PEAK1: variants seen among roughly 807,000 people sequenced by gnomAD.
The protein encoded by PEAK1 is inactive tyrosine-protein kinase PEAK1.
PEAK1 carries 54 observed loss-of-function variants against 124.7 expected under a neutral mutation model. The observed-to-expected ratio is 0.43, with a 90% CI of 0.35 to 0.54. The LOEUF (loss-of-function observed/expected upper bound fraction) is 0.54. Among genes scored for constraint, PEAK1 ranks in the 20% least tolerant of loss-of-function variants. PEAK1 has a pLI of 0.01. For missense variants in PEAK1, 2,046 were observed against 2,134.5 expected (o/e 0.96, Z 0.82); for synonymous variants, 719 against 760.0 (o/e 0.95, Z 0.89).
At chr15:77,100,659 C>G (rs1044425753) in exon 7 of PEAK1, 3 of 152,194 alleles carry the variant, frequency 2.0e-5, no homozygotes, top group Non-Finnish European at 4.4e-5. Flanking sequence ...CTGCATTCGC[C>G]TGATCACTTT....
At chr15:77,175,519 C>T (rs1473463416) in intron 7 of PEAK1, among the ~76,000 whole-genome samples, 3 of 151,672 alleles carry the variant, frequency 2.0e-5, no homozygotes, top group African/African-American at 7.3e-5. Flanking sequence ...TCATCACTGG[C>T]CATCAGAGAA....
rs1194483564 is a variant in PEAK1, at chr15:77,307,999, C to T, written c.-602-21495G>A. 3.3e-5 allele frequency among the ~76,000 whole-genome samples: 5 copies of T among 151,986 alleles called. 1 individual carries two copies. The highest frequency in any genetic ancestry group is 2.6e-4 in the Admixed American group (4 of 15,248). ...CTTTTGTCCTTTATTTAGTTACAGG[C>T]TTCATAATACTTAGTGTTAGGAATA... On this transcript the variant is annotated intron_variant, in intron 2 of 9. Coordinates refer to ENST00000682557, the MANE Select transcript of PEAK1 (RefSeq NM_001385026.1).
chr15:77,342,603 C>T (rs1420987230), intron 2 of PEAK1, among the ~76,000 whole-genome samples: 1 of 152,038 alleles, frequency 6.6e-6, no homozygotes. Context: ...GGAAAAGGGT[C>T]TCACTATGTT....
intron 1 of PEAK1, among the ~76,000 whole-genome samples, chr15:77,386,909 G>C (rs1188884324): frequency 6.6e-6 from 1 of 152,152 alleles, no homozygotes; most frequent in Non-Finnish European, 1.5e-5. Flanking sequence ...AGCAGATGGA[G>C]AGGGATCCTC....
At position 77,417,381 on chromosome 15, in the gene PEAK1, C is replaced by T. The variant is rs1021300420; in HGVS notation, c.-666+2625G>A. On this transcript the variant is annotated intron_variant, in intron 1 of 9. Transcript: ENST00000682557. Reference sequence around the variant, plus strand: ...ACTTCACTAAGGAAAACAAACCAGCCTTGAGGGAACCTAGAAAGTACCAGG... The same window carrying T: ...ACTTCACTAAGGAAAACAAACCAGCTTTGAGGGAACCTAGAAAGTACCAGG... The T allele has an allele frequency of 5.1e-6, 5 of 974,076 alleles. No individual in the cohort carries two copies. In the African/African-American group the frequency reaches 9.3e-5, roughly 18 times the overall value. 60.3% of individuals were successfully genotyped at this position (974,076 alleles called of 1,614,324 possible). A position where few individuals can be genotyped will look rare whatever the true frequency, so the allele number is the denominator to read the frequency against.
rs566976408 is a variant in PEAK1 at position 77,315,678 on chromosome 15, T to C, written c.-602-29174A>G. Among the ~76,000 whole-genome samples the C allele has an allele frequency of 4.1e-4, 62 of 151,752 alleles. 3 individuals carry two copies. The South Asian group carries it at 7.3e-3, about 18-fold the overall frequency. On this transcript the variant is annotated intron_variant, in intron 2 of 9. Coordinates refer to ENST00000682557, the MANE Select transcript of PEAK1 (RefSeq NM_001385026.1). ...AAATCAACAACAACTATATATTATA[T>C]ATGTACAGGAAAAAAACCCATGAGT...
chr15:77,297,096 A>G lies in PEAK1; in HGVS notation c.-602-10592T>C, dbSNP rs138506827. On this transcript the variant is annotated intron_variant, in intron 2 of 9. Transcript: ENST00000682557. ...ACTGTCATTCCCAGTTAGGATATCAAATTGAATTTGCAAGTTTAGATGATT... is the reference window on the plus strand; with the variant it reads ...ACTGTCATTCCCAGTTAGGATATCAGATTGAATTTGCAAGTTTAGATGATT... Among the ~76,000 whole-genome samples the G allele has an allele frequency of 2.0e-4, 31 of 152,012 alleles. 2 individuals carry two copies. The highest frequency in any genetic ancestry group is 7.5e-4 in the African/African-American group (31 of 41,270).
intron 9 of PEAK1, among the ~76,000 whole-genome samples, chr15:77,116,155 T>C (rs539901230): frequency 3.3e-5 from 5 of 152,344 alleles, no homozygotes; most frequent in Middle Eastern, 3.4e-3. Flanking sequence ...ATTTCTACTC[T>C]TAAGGGGTTA....
In PEAK1 at chr15:77,182,005, C is replaced by T; in HGVS notation, c.-79G>A. On this transcript the variant is annotated 5_prime_UTR_variant, in exon 7 of 10. Coordinates refer to ENST00000682557, the MANE Select transcript of PEAK1 (RefSeq NM_001385026.1). The stretch of plus-strand genomic sequence containing the variant: ...TTTCATCTGTTAGTTTTCACTTCCC[C>T]TATGTGTTACAGCAGCTCTTCTAAG... 1.3e-6 allele frequency: 2 copies of T among 1,498,140 alleles called. No homozygotes were observed. The highest frequency in any genetic ancestry group is 1.8e-6 in the Non-Finnish European group (2 of 1,130,514). The allele number at this position is 1,498,140 out of a possible 1,614,324, so 92.8% of individuals were successfully genotyped here. A position where few individuals can be genotyped will look rare whatever the true frequency, so the allele number is the denominator to read the frequency against.
At chr15:77,209,754 G>T (rs1345580527) in intron 6 of PEAK1, among the ~76,000 whole-genome samples, 1 of 152,098 alleles carries the variant, frequency 6.6e-6, no homozygotes, top group Non-Finnish European at 1.5e-5. Flanking sequence ...ACCCCACAAA[G>T]ATGTCCAAAT....
chr15:77,390,566 G>T (rs146874161), intron 1 of PEAK1, among the ~76,000 whole-genome samples: 1 of 152,254 alleles, frequency 6.6e-6, no homozygotes, highest in African/African-American at 2.4e-5. Flanking sequence ...ATCTTCCTCA[G>T]GAAAGCATAT....
chr15:77,410,724 T>C (rs775006604), intron 1 of PEAK1, among the ~76,000 whole-genome samples: 6 of 152,230 alleles, frequency 3.9e-5, no homozygotes, highest in Non-Finnish European at 7.3e-5. Context: ...AGCATATAAA[T>C]ATGCTCAGAT....
chr15:77,349,852 A>G, intron 2 of PEAK1: 1 of 985,404 alleles, frequency 1.0e-6, no homozygotes. Context: ...AAAAGGATTC[A>G]AGTGGAGAGG....
At chr15:77,403,063 T>C (rs1430673400) in intron 1 of PEAK1, 3 of 985,204 alleles carry the variant, frequency 3.0e-6, no homozygotes, top group Non-Finnish European at 3.6e-6. Context: ...AAGAAAAAGA[T>C]GGAGTTTCTC....
At chr15:77,335,481 C>G in intron 2 of PEAK1, 1 of 985,264 alleles carries the variant, frequency 1.0e-6, no homozygotes. Flanking sequence ...CACGTTGATG[C>G]TTACTACTTT....
chr15:77,402,510 G>C (rs1449616678), intron 1 of PEAK1: 2 of 958,544 alleles, frequency 2.1e-6, no homozygotes, highest in Non-Finnish European at 2.5e-6. Flanking sequence ...AAAATTATTA[G>C]TATATAATTA....
intron 5 of PEAK1, among the ~76,000 whole-genome samples, chr15:77,261,607 T>C (rs2061444679): frequency 1.3e-5 from 2 of 152,134 alleles, no homozygotes; most frequent in African/African-American, 2.4e-5. Context: ...TATAGGACTA[T>C]GTGAACAGAC....
chr15:77,272,684 A>G (rs1393310814), intron 5 of PEAK1, among the ~76,000 whole-genome samples: 3 of 152,160 alleles, frequency 2.0e-5, no homozygotes, highest in Non-Finnish European at 2.9e-5. Flanking sequence ...AGACATTTAA[A>G]GAAGAACTGG....
intron 2 of PEAK1, among the ~76,000 whole-genome samples, chr15:77,356,415 A>G (rs547379497): frequency 1.3e-5 from 2 of 152,346 alleles, no homozygotes; most frequent in South Asian, 4.1e-4. Flanking sequence ...CAATGGTAGG[A>G]GAATAAAATT....
Sources: gnomAD v4.1 joint callset for allele counts (sites outside exome capture counted in the v4.1 genomes callset) on GRCh38, gnomAD v4.1.1 for gene constraint, MANE v1.5 for transcripts, NCBI Gene and HGNC (gene_info 2026-07-23, HGNC 2026-07-21) for gene names.